The following ADCY2 variants were observed in gnomAD, a reference collection of about 807,000 sequenced individuals.
ADCY2 encodes the protein adenylate cyclase 2, also known as adenylate cyclase type 2.
Under a neutral mutation model 125.2 loss-of-function variants are expected in ADCY2, and 31 were observed. The observed-to-expected ratio is 0.25, with a 90% CI of 0.19 to 0.33. ADCY2 has a LOEUF of 0.33. ADCY2 is among the 10% of genes least tolerant of loss of function. The pLI, the probability that ADCY2 is intolerant of heterozygous loss-of-function variation, is 1.00. For missense variants in ADCY2, 904 were observed against 1,418.2 expected (o/e 0.64, Z 5.82); for synonymous variants, 512 against 548.4 (o/e 0.93, Z 0.93).
At chr5:7,654,330 A>G (rs995499848) in intron 4 of ADCY2, 9 of 356,878 alleles carry the variant, frequency 2.5e-5, no homozygotes, top group African/African-American at 1.7e-4. Context: ...CAGGGAGGCC[A>G]AGAGGGAAAA....
In ADCY2 at chr5:7,802,496, TAA is replaced by T. The variant is rs1744628419; in HGVS notation, c.2775+134_2775+135del. On this transcript the variant is annotated intron_variant, in intron 21 of 24. Coordinates refer to ENST00000338316, the MANE Select transcript of ADCY2 (RefSeq NM_020546.3). This position sits in a 1 kb window ranked among gnomAD's most constrained non-coding sequence, Gnocchi z 4.6. ...TGGCATAATTTCTGGCAGATGGCAT[TAA>T]AGCCTTTTGCTTTATTTAGGTCTCT... The T allele has an allele frequency of 1.0e-6, 1 of 999,066 alleles. No homozygotes were observed. The allele number at this position is 999,066 out of a possible 1,614,324, so 61.9% of individuals were successfully genotyped here.
At chr5:7,589,754 G>C (rs1171295804) in intron 3 of ADCY2, among the ~76,000 whole-genome samples, 1 of 152,134 alleles carries the variant, frequency 6.6e-6, no homozygotes, top group East Asian at 1.9e-4. Context: ...AGGGCACAGA[G>C]ATGGGCTGTT....
In ADCY2 at chr5:7,422,302, A is replaced by G. The variant is rs141041991; in HGVS notation, c.408+7532A>G. 4.4e-3 allele frequency among the ~76,000 whole-genome samples: 672 copies of G among 152,120 alleles called. 6 individuals carry two copies. Among genetic ancestry groups the G allele is most frequent in the African/African-American group, 0.016 (654 of 41,476 alleles). On this transcript the variant is annotated intron_variant, in intron 2 of 24. Coordinates refer to ENST00000338316, the MANE Select transcript of ADCY2 (RefSeq NM_020546.3). ...GCAATCTTCCTGCCTCAGCCTCCCA[A>G]AGTGTTGGGATTGCAAATGTGAGCC...
At chr5:7,804,305 C>T (rs1744692636) in intron 21 of ADCY2, among the ~76,000 whole-genome samples, 1 of 152,202 alleles carries the variant, frequency 6.6e-6, no homozygotes, top group Non-Finnish European at 1.5e-5. Flanking sequence ...TCGTCATTTG[C>T]ATCATAATTC....
intron 2 of ADCY2, among the ~76,000 whole-genome samples, chr5:7,420,023 CAGG>C (rs1275219583): frequency 2.0e-5 from 3 of 152,174 alleles, no homozygotes; most frequent in Non-Finnish European, 2.9e-5. Flanking sequence ...GGCTCTCAGC[CAGG>C]AGACCTGTGC....
At chr5:7,800,188 T>A (rs1356170749) in intron 20 of ADCY2, 3 of 152,226 alleles carry the variant, frequency 2.0e-5, no homozygotes, top group Non-Finnish European at 4.4e-5. Flanking sequence ...AGTACCAGCC[T>A]CACAGGGTTG....
chr5:7,551,938 T>G (rs773560053), intron 3 of ADCY2, among the ~76,000 whole-genome samples: 8 of 152,344 alleles, frequency 5.3e-5, no homozygotes, highest in Non-Finnish European at 1.2e-4. Flanking sequence ...TGTATATGCC[T>G]GTGGGAAATG....
At chr5:7,669,915 C>G (rs1739875589) in intron 4 of ADCY2, among the ~76,000 whole-genome samples, 1 of 152,116 alleles carries the variant, frequency 6.6e-6, no homozygotes, top group South Asian at 2.1e-4. Context: ...CTCTGCCACC[C>G]CCAGGCAATG....
At chr5:7,621,786 G>C (rs185522076) in intron 3 of ADCY2, among the ~76,000 whole-genome samples, 20 of 152,306 alleles carry the variant, frequency 1.3e-4, no homozygotes, top group African/African-American at 4.6e-4. Flanking sequence ...TGAGAAGCAT[G>C]TGAAGTGTTG....
At chr5:7,737,006 CT>C (rs964549802) in intron 14 of ADCY2, among the ~76,000 whole-genome samples, 3 of 151,224 alleles carry the variant, frequency 2.0e-5, no homozygotes, top group South Asian at 2.1e-4. Context: ...CAAGTAAAAA[CT>C]TTTTTTTTGC....
Position 7,752,570 on chromosome 5 carries a change from T to G in ADCY2, c.1957-4879T>G, listed in dbSNP as rs1040257839. 2.0e-5 allele frequency among the ~76,000 whole-genome samples: 3 copies of G among 152,240 alleles called. No homozygotes were observed. In the East Asian group the frequency reaches 5.8e-4, roughly 29 times the overall value. ...TTGTTAAAATGGAAACTAATGAAAC[T>G]GTAAATGAAGTCTACTTTTATAATG... On this transcript the variant is annotated intron_variant, in intron 15 of 24. Coordinates refer to ENST00000338316, the MANE Select transcript of ADCY2 (RefSeq NM_020546.3).
intron 4 of ADCY2, among the ~76,000 whole-genome samples, chr5:7,649,233 C>T (rs1333443342): frequency 6.6e-6 from 1 of 152,156 alleles, no homozygotes; most frequent in Non-Finnish European, 1.5e-5. Flanking sequence ...ATATTAAAAA[C>T]AATTTTGGTT....
chr5:7,703,170 T>G (rs1207189245), intron 7 of ADCY2, among the ~76,000 whole-genome samples: 3 of 152,222 alleles, frequency 2.0e-5, no homozygotes, highest in Admixed American at 2.0e-4. Context: ...TTTCTCCCAT[T>G]CTGTAGGTTG....
At chr5:7,625,885 A>G (rs1031750778) in intron 3 of ADCY2, among the ~76,000 whole-genome samples, 2 of 152,210 alleles carry the variant, frequency 1.3e-5, no homozygotes, top group Non-Finnish European at 2.9e-5. Context: ...TTCTGTCCAC[A>G]TTGCATTAGC....
chr5:7,696,930 A>C (rs1382747530), intron 6 of ADCY2, among the ~76,000 whole-genome samples: 1 of 152,212 alleles, frequency 6.6e-6, no homozygotes, highest in Non-Finnish European at 1.5e-5. Context: ...ATAAGAAAAG[A>C]AAGGTTTGAA....
At chr5:7,522,156 CAAATT>C (rs1410728975) in intron 3 of ADCY2, among the ~76,000 whole-genome samples, 2 of 152,078 alleles carry the variant, frequency 1.3e-5, no homozygotes, top group Admixed American at 6.5e-5. Context: ...ATTTAAATGA[CAAATT>C]AAGGTGGTAT....
intron 7 of ADCY2, among the ~76,000 whole-genome samples, chr5:7,702,561 TC>T (rs1273044025): frequency 6.6e-6 from 1 of 152,184 alleles, no homozygotes; most frequent in Non-Finnish European, 1.5e-5. Flanking sequence ...CATGAACTCA[TC>T]CTTTTTATGG....
At chr5:7,530,612 A>G (rs943357873) in intron 3 of ADCY2, among the ~76,000 whole-genome samples, 1 of 46,400 alleles carries the variant, frequency 2.2e-5, no homozygotes, top group African/African-American at 4.7e-5. Context: ...TCATCCAGAT[A>G]TAACCATCTA....
At chr5:7,620,618 C>T (rs1561128990) in intron 3 of ADCY2, among the ~76,000 whole-genome samples, 2 of 152,194 alleles carry the variant, frequency 1.3e-5, no homozygotes, top group African/African-American at 4.8e-5. Flanking sequence ...GGATTCTCTG[C>T]AGCCATGTCT....
Sources: gnomAD v4.1 joint callset for allele counts (sites outside exome capture counted in the v4.1 genomes callset) on GRCh38, gnomAD v4.1.1 for gene constraint, Gnocchi (gnomAD v3.1) non-coding constraint, MANE v1.5 for transcripts, NCBI Gene and HGNC (gene_info 2026-07-23, HGNC 2026-07-21) for gene names.